RGS8: variants seen among roughly 807,000 people sequenced by gnomAD.
RGS8 encodes regulator of G-protein signaling 8.
Under a neutral mutation model 21.7 loss-of-function variants are expected in RGS8, and 8 were observed. That is an observed-to-expected ratio of 0.37 (90% CI 0.22 to 0.66). RGS8 has a LOEUF of 0.66. RGS8 is among the 30% of genes least tolerant of loss of function. The pLI, the probability that RGS8 is intolerant of heterozygous loss-of-function variation, is 0.59. For synonymous variants in RGS8, 80 were observed against 83.6 expected (o/e 0.96, Z 0.24); for missense variants, 157 against 217.9 (o/e 0.72, Z 1.76).
chr1:182,698,123 T>A, the RGS8 span, among the ~76,000 whole-genome samples: 1 of 152,202 alleles, frequency 6.6e-6, no homozygotes, highest in Non-Finnish European at 1.5e-5. Flanking sequence ...TCCCTTCCCC[T>A]GCTACCTTCT....
chr1:182,695,741 C>G, the RGS8 span, among the ~76,000 whole-genome samples: 1 of 152,232 alleles, frequency 6.6e-6, no homozygotes, highest in Non-Finnish European at 1.5e-5. Context: ...TAAAACAGAA[C>G]AGCCATTTCT....
At chr1:182,698,317 C>T in the RGS8 span, among the ~76,000 whole-genome samples, 20 of 152,202 alleles carry the variant, frequency 1.3e-4, no homozygotes, top group Admixed American at 1.1e-3. Context: ...AGCAGGCAGG[C>T]TCTAGAGCCA....
intron 5 of RGS8, among the ~76,000 whole-genome samples, chr1:182,665,616 T>A (rs968057769): frequency 4.6e-5 from 7 of 152,200 alleles, no homozygotes; most frequent in African/African-American, 1.7e-4. Flanking sequence ...GGGAGGCCAT[T>A]CAATTCTACA....
chr1:182,748,578 T>TA, the RGS8 span, among the ~76,000 whole-genome samples: 2 of 152,252 alleles, frequency 1.3e-5, no homozygotes, highest in Admixed American at 1.3e-4. Context: ...AGAGTGCAGA[T>TA]ATCTCTGACA....
chr1:182,647,062 ATCCC>A, intron 6 of RGS8, 145 bp from the exon 8 acceptor site: 1 of 681,426 alleles, frequency 1.5e-6, no homozygotes, highest in Non-Finnish European at 2.5e-6. Flanking sequence ...CATGGAGGTC[ATCCC>A]TTTTGATCAC....
chr1:182,719,935 GTCTAA>G, the RGS8 span, among the ~76,000 whole-genome samples: 1 of 151,848 alleles, frequency 6.6e-6, no homozygotes, highest in Non-Finnish European at 1.5e-5. Context: ...ATTTCTTCTA[GTCTAA>G]TCAGTTTTAC....
At position 182,671,568 on chromosome 1, in the gene RGS8, T is replaced by C; in HGVS notation, c.-104+89A>G. On this transcript the variant is annotated intron_variant, in intron 2 of 6. Coordinates refer to ENST00000483095, the Ensembl canonical transcript of RGS8. ...GAGGGAAGAAAGCAATCAATATGCA[T>C]GAAGAGGCAAGTTAATTAAATATGG... 3 of 1,148,960 alleles carry C rather than the reference T, an allele frequency of 2.6e-6. No homozygotes were observed. The South Asian group carries it at 3.8e-5, about 15-fold the overall frequency. 71.2% of individuals were successfully genotyped at this position (1,148,960 alleles called of 1,614,324 possible). A position where few individuals can be genotyped will look rare whatever the true frequency, so the allele number is the denominator to read the frequency against.
At position 182,650,189 on chromosome 1, in the gene RGS8, C is replaced by T. The variant is rs565775909; in HGVS notation, c.194-1886G>A. 5.3e-5 allele frequency among the ~76,000 whole-genome samples: 8 copies of T among 152,254 alleles called. No homozygotes were observed. In the South Asian group the frequency reaches 6.2e-4, roughly 12 times the overall value. On this transcript the variant is annotated intron_variant, in intron 5 of 6. Coordinates refer to ENST00000483095, the Ensembl canonical transcript of RGS8. ...CCTCCCAAAGTGCTGGGATTACAGGCGTGAGCCACCACGCCCGGCCAACAA... is the reference window on the plus strand; with the variant it reads ...CCTCCCAAAGTGCTGGGATTACAGGTGTGAGCCACCACGCCCGGCCAACAA...
At chr1:182,720,613 T>C in the RGS8 span, among the ~76,000 whole-genome samples, 1 of 152,090 alleles carries the variant, frequency 6.6e-6, no homozygotes, top group African/African-American at 2.4e-5. Context: ...CCTTCAGAAA[T>C]GCACTACCAC....
chr1:182,642,529 G>T (rs1662513184), downstream of RGS8: 1 of 152,408 alleles, frequency 6.6e-6, no homozygotes. Flanking sequence ...GTTAGCGGCT[G>T]GTCTCTCCCA....
chr1:182,656,065 C>T lies in RGS8; in HGVS notation c.194-7762G>A, dbSNP rs10911113. ...TATAAGGATTAAATGAGGCAAGCCACGGAAAAGTGCCTAATAGTTCATTAT... is the reference window on the plus strand; with the variant it reads ...TATAAGGATTAAATGAGGCAAGCCATGGAAAAGTGCCTAATAGTTCATTAT... On this transcript the variant is annotated intron_variant, in intron 5 of 6. Transcript: ENST00000483095. 3.3e-3 allele frequency among the ~76,000 whole-genome samples: 510 copies of T among 152,270 alleles called. 3 individuals are homozygous for T. Among genetic ancestry groups the T allele is most frequent in the African/African-American group, 0.011 (474 of 41,530 alleles).
chr1:182,751,978 C>T, the RGS8 span, among the ~76,000 whole-genome samples: 349 of 152,242 alleles, frequency 2.3e-3, 1 homozygote, highest in African/African-American at 8.0e-3. Context: ...TCACAGGCGC[C>T]GCGGTTCCTA....
At chr1:182,699,136 C>A in the RGS8 span, among the ~76,000 whole-genome samples, 11 of 152,184 alleles carry the variant, frequency 7.2e-5, no homozygotes, top group Non-Finnish European at 1.6e-4. Flanking sequence ...TATTAAAAGC[C>A]GCCTCTCCAG....
the RGS8 span, among the ~76,000 whole-genome samples, chr1:182,750,917 A>G: frequency 2.0e-5 from 3 of 152,270 alleles, no homozygotes; most frequent in African/African-American, 7.2e-5. Context: ...AGATATGCAG[A>G]AAGAGCACAG....
intron 5 of RGS8, among the ~76,000 whole-genome samples, chr1:182,658,196 C>G (rs1663378604): frequency 6.6e-6 from 1 of 152,156 alleles, no homozygotes; most frequent in Non-Finnish European, 1.5e-5. Context: ...CTGCCTGTGG[C>G]TGGCTTTCTC....
chr1:182,658,201 T>G (rs1182734444), intron 5 of RGS8, among the ~76,000 whole-genome samples: 2 of 152,160 alleles, frequency 1.3e-5, no homozygotes, highest in Admixed American at 6.5e-5. Context: ...TGTGGCTGGC[T>G]TTCTCCCTCT....
upstream of RGS8, among the ~76,000 whole-genome samples, chr1:182,677,932 A>T (rs1334699022): frequency 6.6e-6 from 1 of 152,236 alleles, no homozygotes; most frequent in African/African-American, 2.4e-5. Flanking sequence ...AATGGCCATC[A>T]GGGTTAAAAA....
the RGS8 span, among the ~76,000 whole-genome samples, chr1:182,709,484 G>T: frequency 4.1e-3 from 629 of 152,212 alleles, 1 homozygote; most frequent in Non-Finnish European, 6.4e-3. Flanking sequence ...ACATCAATGT[G>T]ACACCTCATA....
chr1:182,713,525 C>A, the RGS8 span, among the ~76,000 whole-genome samples: 1,982 of 152,226 alleles, frequency 0.013, 42 homozygotes, highest in African/African-American at 0.045. Context: ...TGCACTGGCA[C>A]GGGGGATACC....
Sources: allele counts gnomAD v4.1 joint callset (sites outside exome capture counted in the v4.1 genomes callset), GRCh38; gene constraint gnomAD v4.1.1; transcripts MANE v1.5; gene names NCBI Gene and HGNC (gene_info 2026-07-23, HGNC 2026-07-21).